SPRR2G: variants seen among roughly 807,000 people sequenced by gnomAD.
SPRR2G encodes the protein small proline rich protein 2G, also known as small proline-rich protein 2G.
SPRR2G carries 1 observed loss-of-function variant against 0.7 expected under a neutral mutation model. The observed-to-expected ratio is 1.49, with a 90% CI of 0.53 to 7.06. The LOEUF is 7.06. SPRR2G is among the 30% of genes most tolerant of loss of function. The pLI, the probability that SPRR2G is intolerant of heterozygous loss-of-function variation, is 0.14. For synonymous variants in SPRR2G, 38 were observed against 33.9 expected (o/e 1.12, Z -0.42); for missense variants, 96 against 88.5 (o/e 1.09, Z -0.34).
chr1:153,161,599 T>C, the SPRR2G span, among the ~76,000 whole-genome samples: 2 of 152,218 alleles, frequency 1.3e-5, no homozygotes, highest in Non-Finnish European at 2.9e-5. Flanking sequence ...TGTCTACTTT[T>C]TTATTTCATT....
chr1:153,174,950 C>G, the SPRR2G span, among the ~76,000 whole-genome samples: 1 of 152,228 alleles, frequency 6.6e-6, no homozygotes, highest in African/African-American at 2.4e-5. Context: ...ACACTTAATA[C>G]CTCAGGCAGC....
the SPRR2G span, among the ~76,000 whole-genome samples, chr1:153,177,279 A>G: frequency 6.6e-6 from 1 of 152,166 alleles, no homozygotes; most frequent in African/African-American, 2.4e-5. Context: ...GGTTATTACA[A>G]TTTGGGGCTA....
chr1:153,181,027 C>T, the SPRR2G span, among the ~76,000 whole-genome samples: 4 of 151,270 alleles, frequency 2.6e-5, no homozygotes, highest in African/African-American at 7.3e-5. Context: ...GGGAACAAGC[C>T]CTTTGTTAAA....
At chr1:153,177,820 A>G in the SPRR2G span, among the ~76,000 whole-genome samples, 11 of 151,908 alleles carry the variant, frequency 7.2e-5, no homozygotes, top group Non-Finnish European at 1.0e-4. Flanking sequence ...ACTTTTCTAG[A>G]TTCTTTGAAT....
chr1:153,171,809 G>C, the SPRR2G span, among the ~76,000 whole-genome samples: 1 of 152,078 alleles, frequency 6.6e-6, no homozygotes, highest in African/African-American at 2.4e-5. Context: ...ATACAACAAA[G>C]CAAACACATC....
chr1:153,169,595 G>T, the SPRR2G span, among the ~76,000 whole-genome samples: 790 of 150,628 alleles, frequency 5.2e-3, 10 homozygotes, highest in Middle Eastern at 0.021. Flanking sequence ...ACCACAAAGT[G>T]GTTCTGGCCA....
upstream of SPRR2G, among the ~76,000 whole-genome samples, chr1:153,152,196 C>A (rs1304555225): frequency 1.3e-5 from 2 of 152,126 alleles, no homozygotes; most frequent in East Asian, 3.8e-4. Flanking sequence ...TCATAACTAA[C>A]CAATAATTTC....
the SPRR2G span, among the ~76,000 whole-genome samples, chr1:153,166,924 T>C: frequency 1.3e-5 from 2 of 151,874 alleles, no homozygotes; most frequent in African/African-American, 4.8e-5. Flanking sequence ...CATAAAAGTG[T>C]TTAGGAAAAA....
the SPRR2G span, among the ~76,000 whole-genome samples, chr1:153,164,981 A>G: frequency 6.6e-6 from 1 of 152,152 alleles, no homozygotes; most frequent in African/African-American, 2.4e-5. Flanking sequence ...CTTTTGGGAA[A>G]TTATTTTTGT....
At chr1:153,164,166 A>T in the SPRR2G span, among the ~76,000 whole-genome samples, 1 of 152,224 alleles carries the variant, frequency 6.6e-6, no homozygotes, top group Non-Finnish European at 1.5e-5. Context: ...GTTATTTGGT[A>T]AACAAAACTT....
chr1:153,153,655 G>C (rs1656519205), upstream of SPRR2G, among the ~76,000 whole-genome samples: 1 of 152,078 alleles, frequency 6.6e-6, no homozygotes. Flanking sequence ...AGACAGGCGA[G>C]TGGAAAGAAG....
chr1:153,191,525 A>G, the SPRR2G span: 1 of 152,276 alleles, frequency 6.6e-6, no homozygotes, highest in African/African-American at 2.4e-5. Flanking sequence ...AACACATTTT[A>G]CATAAGTAGA....
At chr1:153,169,446 G>A in the SPRR2G span, among the ~76,000 whole-genome samples, 1 of 151,928 alleles carries the variant, frequency 6.6e-6, no homozygotes, top group South Asian at 2.1e-4. Flanking sequence ...CACACCTGTA[G>A]TCCCAGCCAC....
the SPRR2G span, among the ~76,000 whole-genome samples, chr1:153,202,068 A>T: frequency 1.3e-4 from 20 of 152,366 alleles, no homozygotes; most frequent in African/African-American, 4.1e-4. Flanking sequence ...AGTAGATTTT[A>T]AAAAAAGAAC....
chr1:153,166,864 A>G, the SPRR2G span, among the ~76,000 whole-genome samples: 1 of 135,176 alleles, frequency 7.4e-6, no homozygotes, highest in Admixed American at 7.8e-5. Context: ...GTTGAGTATC[A>G]CAGAATTTGA....
At chr1:153,167,333 G>A in the SPRR2G span, among the ~76,000 whole-genome samples, 1 of 152,042 alleles carries the variant, frequency 6.6e-6, no homozygotes, top group East Asian at 1.9e-4. Context: ...AATTAGCCAG[G>A]CGTGGTGGCT....
At chr1:153,155,977 C>G in the SPRR2G span, among the ~76,000 whole-genome samples, 2 of 152,108 alleles carry the variant, frequency 1.3e-5, no homozygotes, top group Non-Finnish European at 2.9e-5. Context: ...GATTCCCCAC[C>G]CATATCCTTT....
chr1:153,182,724 T>A, the SPRR2G span, among the ~76,000 whole-genome samples: 1 of 152,206 alleles, frequency 6.6e-6, no homozygotes, highest in Non-Finnish European at 1.5e-5. Context: ...CATGAACTCA[T>A]TCTTTTTTAT....
the SPRR2G span, among the ~76,000 whole-genome samples, chr1:153,161,096 T>TG: frequency 1.1e-5 from 1 of 90,738 alleles, no homozygotes; most frequent in South Asian, 4.6e-4. Context: ...TGTTGTGGGG[T>TG]GGGGGGAGGG....
Sources: allele counts gnomAD v4.1 joint callset (sites outside exome capture counted in the v4.1 genomes callset), GRCh38; gene constraint gnomAD v4.1.1; transcripts MANE v1.5; gene names NCBI Gene and HGNC (gene_info 2026-07-23, HGNC 2026-07-21).